The following WDR47 variants were observed in gnomAD, a reference collection of about 807,000 sequenced individuals.
WDR47 encodes WD repeat domain 47.
In WDR47, 32 loss-of-function variants were observed where a neutral mutation model predicts 97.2. The ratio of observed to expected loss-of-function variants is 0.33; its 90% CI spans 0.25 to 0.44. WDR47 has a LOEUF of 0.44. Among genes scored for constraint, WDR47 ranks in the 20% least tolerant of loss-of-function variants. WDR47 has a pLI of 1.00. For missense variants in WDR47, 782 were observed against 1,102.3 expected (o/e 0.71, Z 4.11); for synonymous variants, 375 against 373.5 (o/e 1.00, Z -0.05).
Position 108,983,453 on chromosome 1 carries a change from T to C in WDR47, c.1926-2A>G, listed in dbSNP as rs1308832551. The C allele has an allele frequency of 6.5e-7, 1 of 1,545,296 alleles. No homozygotes were observed. The highest frequency in any genetic ancestry group is 8.7e-7 in the Non-Finnish European group (1 of 1,145,580). On this transcript the variant is annotated splice_acceptor_variant, in intron 10 of 14. Coordinates refer to ENST00000369962, the MANE Select transcript of WDR47 (RefSeq NM_001142551.2). LOFTEE classifies it high-confidence loss of function. ...GGCTGCTTAGGAGTCTCATGTGCAC[T>C]GAAAAGAAAAATTACAGAAATATAT... is the stretch of plus-strand genomic sequence containing the variant.
At chr1:108,981,962 C>A (rs487901) in intron 12 of WDR47, 98 bp from the exon 13 acceptor site, 287,156 of 1,347,754 alleles carry the variant, frequency 0.21, 31,517 homozygotes, top group Admixed American at 0.28. Context: ...GTGGCTCATG[C>A]CTATAATCCC....
In WDR47 at chr1:109,004,754, G is replaced by A. The variant is rs200580358; in HGVS notation, c.1131-39C>T. On this transcript the variant is annotated intron_variant, in intron 5 of 14. Transcript: ENST00000369962. ...CGTGCAAAAAAACAAAAAGGCAGAG[G>A]GGGGAGTAAAGGAAAATATATTTTA... is the stretch of plus-strand genomic sequence containing the variant. The A allele has an allele frequency of 3.2e-4, 498 of 1,552,192 alleles. 4 individuals are homozygous for A. The highest frequency in any genetic ancestry group is 5.3e-5 in the Non-Finnish European group (61 of 1,156,224).
intron 12 of WDR47, 27 bp downstream of exon 12, chr1:108,982,582 A>G (rs1658430330): frequency 1.3e-6 from 2 of 1,558,400 alleles, no homozygotes; most frequent in Non-Finnish European, 1.7e-6. Context: ...AAAAAGAAAA[A>G]CAGCACTTGA....
intron 3 of WDR47, among the ~76,000 whole-genome samples, chr1:109,017,074 C>T (rs505470): frequency 0.034 from 5,129 of 152,274 alleles, 133 homozygotes; most frequent in South Asian, 0.071. Flanking sequence ...ATACATGCCA[C>T]TGCACATCAG....
rs544836346 is a variant in WDR47, at chr1:109,009,116, G to T, written c.1130+1800C>A. ...AAATAAAAATAAAATAAAAATAAAA[G>T]AAACAGAAATTCTGAGCCCACTGCT... On this transcript the variant is annotated intron_variant, in intron 5 of 14. Coordinates refer to ENST00000369962, the MANE Select transcript of WDR47 (RefSeq NM_001142551.2). Among the ~76,000 whole-genome samples, 21 of 152,186 alleles carry T rather than the reference G, an allele frequency of 1.4e-4. No individual in the cohort carries two copies. The South Asian group carries it at 2.1e-3, about 15-fold the overall frequency.
At chr1:109,003,868 T>C (rs1270952762) in intron 6 of WDR47, among the ~76,000 whole-genome samples, 1 of 152,112 alleles carries the variant, frequency 6.6e-6, no homozygotes, top group Admixed American at 6.6e-5. Context: ...AGAAAAATAA[T>C]CTAGAACCCT....
intron 5 of WDR47, among the ~76,000 whole-genome samples, chr1:109,005,258 TA>T (rs1660508829): frequency 6.6e-6 from 1 of 151,756 alleles, no homozygotes; most frequent in African/African-American, 2.4e-5. Context: ...TAAAATAAAA[TA>T]AAAAATTATT....
At chr1:108,976,728 G>T (rs1179226033) in intron 13 of WDR47, among the ~76,000 whole-genome samples, 1 of 152,174 alleles carries the variant, frequency 6.6e-6, no homozygotes, top group Non-Finnish European at 1.5e-5. Context: ...AGGTGGCATT[G>T]AAGTTAAGAC....
chr1:109,013,449 CA>C (rs887705653), intron 4 of WDR47, among the ~76,000 whole-genome samples: 12 of 139,522 alleles, frequency 8.6e-5, no homozygotes, highest in African/African-American at 1.3e-4. Context: ...AACATTTCAG[CA>C]AAAAAAAAAC....
chr1:109,027,031 A>G lies in WDR47; in HGVS notation c.-9-3510T>C, dbSNP rs553887572. ...AATTCTATACCTTGAAATTCCCAGT[A>G]GAATAATATATTTTAATCACCCAAC... On this transcript the variant is annotated intron_variant, in intron 1 of 14. Coordinates refer to ENST00000369962, the MANE Select transcript of WDR47 (RefSeq NM_001142551.2). 3.5e-4 allele frequency among the ~76,000 whole-genome samples: 53 copies of G among 152,214 alleles called. No homozygotes were observed. The South Asian group carries it at 0.011, about 31-fold the overall frequency.
intron 9 of WDR47, among the ~76,000 whole-genome samples, chr1:108,989,324 G>A (rs1297634570): frequency 6.6e-6 from 1 of 152,180 alleles, no homozygotes; most frequent in East Asian, 1.9e-4. Flanking sequence ...ATTCTGAGAG[G>A]TCTAGGACCC....
chr1:109,011,656 A>G lies in WDR47; in HGVS notation c.390T>C (p.Ser130=). The change falls in exon 5 of 15, where the codon TCT becomes TCC. Residue 130 remains serine (S), a synonymous_variant. Transcript: ENST00000369962. The part of the protein sequence containing the change: ...CLHALEEYCP[S]KDDYSKLCLL... ...AACAGAGCTTACTATAGTCATCTTT[A>G]GAAGGACAGTATTCTTCTAGAGCAT... is the stretch of plus-strand genomic sequence containing the variant. 1 of 1,614,196 alleles carries G rather than the reference A, an allele frequency of 6.2e-7. No individual in the cohort carries two copies. The highest frequency in any genetic ancestry group is 8.5e-7 in the Non-Finnish European group (1 of 1,180,030).
chr1:108,978,326 A>G (rs1464009243), intron 13 of WDR47, among the ~76,000 whole-genome samples: 1 of 151,956 alleles, frequency 6.6e-6, no homozygotes, highest in Non-Finnish European at 1.5e-5. Flanking sequence ...AATATACAAA[A>G]AAATTAGCTG....
chr1:109,024,097 T>C (rs1344289816), intron 1 of WDR47, among the ~76,000 whole-genome samples: 1 of 152,154 alleles, frequency 6.6e-6, no homozygotes, highest in Non-Finnish European at 1.5e-5. Context: ...AGTCTAGCAG[T>C]AATACCTAAA....
chr1:108,974,964 G>C (rs1246057994), intron 13 of WDR47, among the ~76,000 whole-genome samples: 3 of 152,160 alleles, frequency 2.0e-5, no homozygotes, highest in Admixed American at 6.5e-5. Flanking sequence ...TAAGAAATGA[G>C]AAAGTCCATT....
chr1:109,007,917 G>A (rs1660739124), intron 5 of WDR47, among the ~76,000 whole-genome samples: 1 of 151,924 alleles, frequency 6.6e-6, no homozygotes. Context: ...GCCTGGCCAA[G>A]ATGGTGAAAC....
At chr1:108,974,145 A>C (rs1032312297) in intron 14 of WDR47, among the ~76,000 whole-genome samples, 1 of 150,484 alleles carries the variant, frequency 6.6e-6, no homozygotes, top group Non-Finnish European at 1.5e-5. Flanking sequence ...CAGTGAGCTA[A>C]GATCACACCA....
rs201836931 is a variant in WDR47, at chr1:109,035,093, AC to A, written c.-10+6768del. Among the ~76,000 whole-genome samples, 367 of 147,236 alleles carry A rather than the reference AC, an allele frequency of 2.5e-3. 6 individuals carry two copies. The highest frequency in any genetic ancestry group is 3.5e-3 in the Middle Eastern group (1 of 282). On this transcript the variant is annotated intron_variant, in intron 1 of 14. Transcript: ENST00000369962. ...AACCCTGTCTCTCCAAAAAAAAAAA[AC>A]AATTAGCCAGGCGTGGTGGTGCAGG...
intron 7 of WDR47, among the ~76,000 whole-genome samples, chr1:109,000,805 C>G (rs1660128623): frequency 1.3e-5 from 2 of 152,130 alleles, no homozygotes; most frequent in Non-Finnish European, 2.9e-5. Flanking sequence ...CAGATTACTT[C>G]CAATATTGTT....
Sources: allele counts gnomAD v4.1 joint callset (sites outside exome capture counted in the v4.1 genomes callset), GRCh38; gene constraint gnomAD v4.1.1; transcripts MANE v1.5; gene names NCBI Gene and HGNC (gene_info 2026-07-23, HGNC 2026-07-21).